The following RAI14 variants were observed in gnomAD, a reference collection of about 807,000 sequenced individuals.
RAI14 encodes ankycorbin.
In RAI14, 45 loss-of-function variants were observed where a neutral mutation model predicts 115.4. The observed-to-expected ratio is 0.39, with a 90% confidence interval of 0.31 to 0.50. The LOEUF is 0.50. Among genes scored for constraint, RAI14 ranks in the 20% least tolerant of loss-of-function variants. The pLI, the probability that RAI14 is intolerant of heterozygous loss-of-function variation, is 0.85. For missense variants in RAI14, 939 were observed against 1,131.2 expected (o/e 0.83, Z 2.44); for synonymous variants, 371 against 415.4 (o/e 0.89, Z 1.30).
chr5:34,793,386 C>G (rs1484091649), intron 3 of RAI14, among the ~76,000 whole-genome samples: 1 of 152,012 alleles, frequency 6.6e-6, no homozygotes, highest in Admixed American at 6.6e-5. Context: ...ACTATGTAAT[C>G]CAGAGGTAAT....
chr5:34,796,413 A>AG (rs11403295), intron 4 of RAI14, among the ~76,000 whole-genome samples: 19 of 151,664 alleles, frequency 1.3e-4, no homozygotes, highest in Non-Finnish European at 2.2e-4. Flanking sequence ...AAAAAAAAAA[A>AG]TTAGAGTCTA....
intron 2 of RAI14, among the ~76,000 whole-genome samples, chr5:34,691,982 G>A (rs1179867960): frequency 1.3e-5 from 2 of 152,200 alleles, no homozygotes; most frequent in African/African-American, 4.8e-5. Flanking sequence ...ACAGTTGGCG[G>A]TGGGGTGTGG....
chr5:34,760,691 CATAAG>C (rs1022390203), intron 3 of RAI14, among the ~76,000 whole-genome samples: 3 of 152,166 alleles, frequency 2.0e-5, no homozygotes, highest in African/African-American at 4.8e-5. Flanking sequence ...ACCTTTTGAT[CATAAG>C]ATATTTATTA....
At chr5:34,672,206 C>G (rs1276904069) in intron 1 of RAI14, among the ~76,000 whole-genome samples, 1 of 152,062 alleles carries the variant, frequency 6.6e-6, no homozygotes, top group Admixed American at 6.6e-5. Flanking sequence ...GTCCTATGGT[C>G]CATATTTCTG....
At chr5:34,707,064 ATGT>A (rs755414154) in intron 2 of RAI14, among the ~76,000 whole-genome samples, 1 of 152,222 alleles carries the variant, frequency 6.6e-6, no homozygotes, top group Non-Finnish European at 1.5e-5. Flanking sequence ...TTGGCACATG[ATGT>A]TGTGGACAGA....
rs541164913 is a variant in RAI14 at position 34,812,669 on chromosome 5, A to T, written c.765+461A>T. Among the ~76,000 whole-genome samples, 56 of 152,298 alleles carry T rather than the reference A, an allele frequency of 3.7e-4. 1 individual carries two copies. The East Asian group carries it at 8.3e-3, about 23-fold the overall frequency. On this transcript the variant is annotated intron_variant, in intron 10 of 17. Transcript: ENST00000265109. The stretch of plus-strand genomic sequence containing the variant: ...AACAAGAGTGAAACTCCGTCTCAAA[A>T]AAAAAAGGTGGTAAAGCTTTCCTTA...
chr5:34,790,723 T>C (rs1426276432), intron 3 of RAI14, among the ~76,000 whole-genome samples: 1 of 150,140 alleles, frequency 6.7e-6, no homozygotes, highest in Non-Finnish European at 1.5e-5. Flanking sequence ...ATTATATATA[T>C]AAGATGTATA....
chr5:34,829,178 T>C (rs150092240), intron 16 of RAI14, among the ~76,000 whole-genome samples: 11 of 150,410 alleles, frequency 7.3e-5, no homozygotes, highest in Middle Eastern at 3.4e-3. Context: ...CACACACACA[T>C]ACACACACAC....
At chr5:34,753,900 G>A (rs1329274804) in intron 2 of RAI14, among the ~76,000 whole-genome samples, 5 of 137,242 alleles carry the variant, frequency 3.6e-5, no homozygotes, top group Admixed American at 7.6e-5. Context: ...GTGACAGAGC[G>A]AGACTCTATC....
rs1053992724 is a variant in RAI14, at chr5:34,687,453, A to T, written c.36+498A>T. On this transcript the variant is annotated intron_variant, in intron 2 of 17. Transcript: ENST00000265109. Reference sequence around the variant, plus strand: ...CGTACCTTTCCTCCCCCCGAATTCCAGGGACTCGTACTCATTTGTTATCTA... The same window carrying T: ...CGTACCTTTCCTCCCCCCGAATTCCTGGGACTCGTACTCATTTGTTATCTA... 8.2e-6 allele frequency: 7 copies of T among 856,382 alleles called. No homozygotes were observed. In the African/African-American group the frequency reaches 1.0e-4, roughly 13 times the overall value. The allele number at this position is 856,382 out of a possible 1,614,324, so 53.0% of individuals were successfully genotyped here.
chr5:34,816,700 A>G (rs1004123237), intron 12 of RAI14, among the ~76,000 whole-genome samples: 4 of 152,206 alleles, frequency 2.6e-5, no homozygotes, highest in African/African-American at 9.7e-5. Context: ...AATCTGAAAC[A>G]GATTCTATCA....
intron 2 of RAI14, among the ~76,000 whole-genome samples, chr5:34,712,272 A>C (rs1741490015): frequency 6.6e-6 from 1 of 152,214 alleles, no homozygotes. Context: ...TTCAAGGTAC[A>C]TTTCCTGAGC....
intron 2 of RAI14, among the ~76,000 whole-genome samples, chr5:34,732,893 G>C (rs1050271437): frequency 6.6e-6 from 1 of 151,354 alleles, no homozygotes; most frequent in African/African-American, 2.4e-5. Flanking sequence ...TGATAATAAG[G>C]CTATAATTAA....
chr5:34,690,376 G>A (rs563113561), intron 2 of RAI14, among the ~76,000 whole-genome samples: 51 of 152,256 alleles, frequency 3.3e-4, no homozygotes, highest in Admixed American at 8.5e-4. Context: ...TCAGGTTCTC[G>A]CGCTTGCATA....
chr5:34,770,488 C>T (rs1304353871), intron 3 of RAI14, among the ~76,000 whole-genome samples: 1 of 152,214 alleles, frequency 6.6e-6, no homozygotes, highest in Non-Finnish European at 1.5e-5. Context: ...AGACAATAAA[C>T]AGATACCTCT....
intron 8 of RAI14, among the ~76,000 whole-genome samples, 187 bp downstream of exon 8, chr5:34,811,305 A>T (rs973632735): frequency 6.6e-6 from 1 of 152,218 alleles, no homozygotes; most frequent in Non-Finnish European, 1.5e-5. Flanking sequence ...TTCCCCAGAC[A>T]TCTGTGGACA....
At chr5:34,729,620 C>G (rs1432880928) in intron 2 of RAI14, among the ~76,000 whole-genome samples, 2 of 151,866 alleles carry the variant, frequency 1.3e-5, no homozygotes, top group Non-Finnish European at 2.9e-5. Context: ...CCAATTAATG[C>G]GAAATACTGA....
chr5:34,757,103 G>C (rs888213735), intron 2 of RAI14, among the ~76,000 whole-genome samples: 1 of 152,182 alleles, frequency 6.6e-6, no homozygotes, highest in Non-Finnish European at 1.5e-5. Context: ...CTGTGGATGA[G>C]GTCAAAGGCC....
chr5:34,746,722 G>T (rs1279309370), intron 2 of RAI14, among the ~76,000 whole-genome samples: 1 of 152,072 alleles, frequency 6.6e-6, no homozygotes, highest in Non-Finnish European at 1.5e-5. Flanking sequence ...TTGCCCCAGT[G>T]TATGAACACA....
Sources: gnomAD v4.1 joint callset for allele counts (sites outside exome capture counted in the v4.1 genomes callset) on GRCh38, gnomAD v4.1.1 for gene constraint, MANE v1.5 for transcripts, NCBI Gene and HGNC (gene_info 2026-07-23, HGNC 2026-07-21) for gene names.